MPDZ: variants seen among roughly 807,000 people sequenced by gnomAD.
MPDZ encodes multiple PDZ domain crumbs cell polarity complex component.
A neutral mutation model predicts 239.1 loss-of-function variants in MPDZ; 234 were observed. That is an observed-to-expected ratio of 0.98 (90% CI 0.88 to 1.09). MPDZ has a LOEUF of 1.09. MPDZ is among the 50% of genes least tolerant of loss of function. The pLI is 0.00. For missense variants in MPDZ, 3,175 were observed against 2,510.0 expected (o/e 1.26, Z -5.66); for synonymous variants, 1,048 against 881.3 (o/e 1.19, Z -3.35).
intron 23 of MPDZ, among the ~76,000 whole-genome samples, chr9:13,162,457 G>C (rs1950598442): frequency 6.6e-6 from 1 of 151,770 alleles, no homozygotes; most frequent in South Asian, 2.1e-4. Context: ...GCTACATTGT[G>C]TGGTAAAATT....
At chr9:13,123,017 T>C in intron 36 of MPDZ, 136 bp downstream of exon 36, 1 of 919,624 alleles carries the variant, frequency 1.1e-6, no homozygotes, top group East Asian at 2.8e-5. Context: ...ATTTGCCCTA[T>C]AAATTAAAAT....
In MPDZ at chr9:13,221,420, T is replaced by G. The variant is rs762360187; in HGVS notation, c.828A>C (p.Ala276=). 22 of 1,611,340 alleles carry G rather than the reference T, an allele frequency of 1.4e-5. No homozygotes were observed. In the East Asian group the frequency reaches 4.2e-4, roughly 31 times the overall value. The change falls in exon 7 of 47, where the codon GCA becomes GCC. Residue 276 remains alanine (A), a synonymous_variant. Coordinates refer to ENST00000319217, the MANE Select transcript of MPDZ (RefSeq NM_001378778.1). ...GLGFGIIGGK[A]TGVIVKTILP... is the part of the protein sequence containing the mutation. ...GAATGGTTTTTACTATCACACCAGT[T>G]GCTTTTCCTCCTATGATGCCAAATC...
chr9:13,262,972 G>T (rs907629791), intron 1 of MPDZ, among the ~76,000 whole-genome samples: 1 of 152,180 alleles, frequency 6.6e-6, no homozygotes, highest in Admixed American at 6.5e-5. Context: ...GTGGACAAAT[G>T]GAAGGAGTAG....
chr9:13,150,455 T>A, intron 25 of MPDZ, 56 bp downstream of exon 25: 1 of 1,327,336 alleles, frequency 7.5e-7, no homozygotes, highest in East Asian at 2.7e-5. Context: ...AATTAAAAAA[T>A]AAATAAATAA....
At chr9:13,266,529 G>C (rs1190656797) in intron 1 of MPDZ, among the ~76,000 whole-genome samples, 1 of 152,134 alleles carries the variant, frequency 6.6e-6, no homozygotes, top group Non-Finnish European at 1.5e-5. Context: ...GCAGACAGAA[G>C]AAATCAACAA....
Position 13,150,529 on chromosome 9 carries a change from A to G in MPDZ, c.3612T>C (p.Pro1204=), listed in dbSNP as rs1949021587. The part of the protein sequence containing the change: ...SPAGKNGTLK[P]GDRIVEVDGM... The stretch of plus-strand genomic sequence containing the variant: ...AGGGTACCTCTACGATTCTATCTCC[A>G]GGTTTCAAGGTTCCATTTTTGCCAG... The change falls in exon 25 of 47, where the codon CCT becomes CCC. Residue 1204 remains proline (P), a synonymous_variant. Coordinates refer to ENST00000319217, the MANE Select transcript of MPDZ (RefSeq NM_001378778.1). 1.3e-6 allele frequency: 2 copies of G among 1,568,500 alleles called. No individual in the cohort carries two copies. The highest frequency in any genetic ancestry group is 4.7e-5 in the East Asian group (2 of 42,540).
intron 3 of MPDZ, among the ~76,000 whole-genome samples, chr9:13,236,084 T>C (rs1478187277): frequency 1.3e-5 from 2 of 150,696 alleles, no homozygotes; most frequent in Non-Finnish European, 1.5e-5. Flanking sequence ...TATTCAAACC[T>C]GCAAAGATCT....
intron 3 of MPDZ, among the ~76,000 whole-genome samples, chr9:13,244,815 A>T (rs181972221): frequency 1.6e-4 from 24 of 152,310 alleles, no homozygotes; most frequent in Middle Eastern, 3.4e-3. Flanking sequence ...TCAACATGGT[A>T]TGTCAGCATC....
chr9:13,192,142 G>C lies in MPDZ; in HGVS notation c.1957C>G (p.Leu653Val). Residue 653 changes from leucine (L) to valine (V), a missense_variant, in exon 15 of 47, where the codon CTA (leucine) becomes GTA (valine). Coordinates refer to ENST00000319217, the MANE Select transcript of MPDZ (RefSeq NM_001378778.1). ...TGCAAATCTGATACCTTTTCTGTTAGCTCAATATCACATAAGTCCAGGCTA... is the reference window on the plus strand; with the variant it reads ...TGCAAATCTGATACCTTTTCTGTTACCTCAATATCACATAAGTCCAGGCTA... Reference protein sequence around the residue: ...LDSLDLCDIELTEKPHVDLGE... With the variant: ...LDSLDLCDIEVTEKPHVDLGE... 6.2e-7 allele frequency: 1 copy of C among 1,601,022 alleles called. No homozygotes were observed.
chr9:13,118,611 A>G (rs561846615), intron 39 of MPDZ, among the ~76,000 whole-genome samples: 1 of 152,296 alleles, frequency 6.6e-6, no homozygotes, highest in East Asian at 1.9e-4. Context: ...TCAGGTCATA[A>G]AACACACTAG....
rs1204543674 is a variant in MPDZ at position 13,119,826 on chromosome 9, TTA to T, written c.5232-179_5232-178del. The T allele has an allele frequency of 1.1e-5, 7 of 665,184 alleles. No individual in the cohort carries two copies. The African/African-American group carries it at 1.3e-4, about 12-fold the overall frequency. The allele number at this position is 665,184 out of a possible 1,614,324, so 41.2% of individuals were successfully genotyped here. A position where few individuals can be genotyped will look rare whatever the true frequency, so the allele number is the denominator to read the frequency against. ...ATTATATTTTTTGATAAATAACAGC[TTA>T]TGTCTTACAGTGCTTCATAGATTAA... On this transcript the variant is annotated intron_variant, in intron 38 of 46. Coordinates refer to ENST00000319217, the MANE Select transcript of MPDZ (RefSeq NM_001378778.1).
chr9:13,193,264 A>G lies in MPDZ; in HGVS notation c.1706T>C (p.Leu569Pro). ...FSENSGLGISLEATVGHHFIR... is the reference protein window; with the variant it reads ...FSENSGLGISPEATVGHHFIR... Reference sequence around the variant, plus strand: ...AAAATGATGTCCCACTGTCGCTTCCAGGCTTATCCCCAATCCACTGTTCTC... The same window carrying G: ...AAAATGATGTCCCACTGTCGCTTCCGGGCTTATCCCCAATCCACTGTTCTC... The change falls in exon 14 of 47, where the codon CTG becomes CCG. Residue 569 changes from leucine (L) to proline (P), a missense_variant. Coordinates refer to ENST00000319217, the MANE Select transcript of MPDZ (RefSeq NM_001378778.1). 1 of 1,612,610 alleles carries G rather than the reference A, an allele frequency of 6.2e-7. No homozygotes were observed. Among genetic ancestry groups the G allele is most frequent in the African/African-American group, 1.3e-5 (1 of 74,992 alleles).
chr9:13,187,066 G>C (rs1487834624), intron 17 of MPDZ, among the ~76,000 whole-genome samples: 3 of 151,986 alleles, frequency 2.0e-5, no homozygotes, highest in Non-Finnish European at 4.4e-5. Flanking sequence ...AGACGAAATG[G>C]GCTAAAATAT....
chr9:13,184,459 T>C (rs925721029), intron 18 of MPDZ, among the ~76,000 whole-genome samples: 4 of 151,966 alleles, frequency 2.6e-5, no homozygotes, highest in South Asian at 2.1e-4. Context: ...CAGGAGAAGT[T>C]AGAAGAATTA....
intron 3 of MPDZ, among the ~76,000 whole-genome samples, chr9:13,245,686 T>C (rs1459705579): frequency 6.6e-6 from 1 of 152,178 alleles, no homozygotes; most frequent in Non-Finnish European, 1.5e-5. Context: ...ATATCAGTTG[T>C]CTATCAACAA....
chr9:13,242,664 T>G (rs1294389830), intron 3 of MPDZ, among the ~76,000 whole-genome samples: 1 of 152,028 alleles, frequency 6.6e-6, no homozygotes, highest in Non-Finnish European at 1.5e-5. Flanking sequence ...TAAAACATCT[T>G]ACTTAAAAAG....
intron 19 of MPDZ, among the ~76,000 whole-genome samples, chr9:13,179,185 G>A (rs1007688200): frequency 6.6e-6 from 1 of 152,022 alleles, no homozygotes; most frequent in Non-Finnish European, 1.5e-5. Context: ...ATGACAGGAA[G>A]GTATCATCCT....
chr9:13,113,548 G>A (rs1942861281), intron 41 of MPDZ, among the ~76,000 whole-genome samples: 1 of 152,092 alleles, frequency 6.6e-6, no homozygotes, highest in South Asian at 2.1e-4. Flanking sequence ...TTAAAACACA[G>A]GAGGATCACA....
intron 19 of MPDZ, among the ~76,000 whole-genome samples, chr9:13,179,775 C>A (rs968783174): frequency 6.6e-6 from 1 of 152,082 alleles, no homozygotes; most frequent in African/African-American, 2.4e-5. Context: ...TTTAAAAGTT[C>A]TATTTCTTAA....
Sources: allele counts gnomAD v4.1 joint callset (sites outside exome capture counted in the v4.1 genomes callset), GRCh38; gene constraint gnomAD v4.1.1; transcripts MANE v1.5; gene names NCBI Gene and HGNC (gene_info 2026-07-23, HGNC 2026-07-21).